The following GRID2 variants were observed in gnomAD, a reference collection of about 807,000 sequenced individuals.
GRID2 encodes the protein glutamate receptor ionotropic, delta-2.
A neutral mutation model predicts 114.8 loss-of-function variants in GRID2; 33 were observed. The observed-to-expected ratio is 0.29, with a 90% CI of 0.22 to 0.38. The LOEUF (loss-of-function observed/expected upper bound fraction) is 0.38. GRID2 is among the 10% of genes least tolerant of loss of function. The probability of loss-of-function intolerance (pLI) is 1.00; values close to 1 mark genes in which losing one functional copy is unlikely to be tolerated. For missense variants in GRID2, 1,184 were observed against 1,257.7 expected, an observed-to-expected ratio of 0.94 and a Z score of 0.89; for synonymous variants, 505 against 449.9, an observed-to-expected ratio of 1.12 and a Z score of -1.55.
intron 8 of GRID2, among the ~76,000 whole-genome samples, chr4:93,266,048 C>A (rs1750790299): frequency 6.6e-6 from 1 of 152,152 alleles, no homozygotes; most frequent in Non-Finnish European, 1.5e-5. Flanking sequence ...TATTCCATCA[C>A]AGGGCACACA....
intron 2 of GRID2, among the ~76,000 whole-genome samples, chr4:92,731,122 C>T (rs1736308979): frequency 6.6e-6 from 1 of 151,810 alleles, no homozygotes; most frequent in African/African-American, 2.4e-5. Flanking sequence ...GGAAAACCAT[C>T]TATTGTTTAC....
chr4:93,156,059 C>T (rs970280162), intron 4 of GRID2, among the ~76,000 whole-genome samples: 4 of 151,002 alleles, frequency 2.6e-5, no homozygotes, highest in Non-Finnish European at 4.4e-5. Flanking sequence ...TATTGTATGC[C>T]GGTATCAGAA....
chr4:92,652,271 T>C (rs1731979476), intron 2 of GRID2, among the ~76,000 whole-genome samples: 1 of 152,048 alleles, frequency 6.6e-6, no homozygotes, highest in Non-Finnish European at 1.5e-5. Flanking sequence ...TGTTAATCTA[T>C]CCAGAAACTC....
chr4:93,403,801 T>G (rs2149342206), intron 9 of GRID2, among the ~76,000 whole-genome samples: 1 of 152,244 alleles, frequency 6.6e-6, no homozygotes, highest in African/African-American at 2.4e-5. Flanking sequence ...GTACGACTCC[T>G]TCAGAAAACA....
chr4:92,783,505 GAA>G (rs1739180062), intron 2 of GRID2, among the ~76,000 whole-genome samples: 3 of 152,130 alleles, frequency 2.0e-5, no homozygotes, highest in South Asian at 4.1e-4. Context: ...CAAATATTAA[GAA>G]TATCAAATCA....
rs567925591 is a variant in GRID2 at position 92,785,546 on chromosome 4, C to T, written c.244+195260C>T. Among the ~76,000 whole-genome samples, 35 of 151,700 alleles carry T rather than the reference C, an allele frequency of 2.3e-4. 1 individual carries two copies. In the South Asian group the frequency reaches 7.3e-3, roughly 32 times the overall value. ...AAAATACAATTTTCTACTTTGAGTG[C>T]TATCTTTAAAAACAGGCTATATTTA... On this transcript the variant is annotated intron_variant, in intron 2 of 15. Coordinates refer to ENST00000282020, the MANE Select transcript of GRID2 (RefSeq NM_001510.4).
At chr4:92,860,810 A>G (rs1179596582) in intron 2 of GRID2, among the ~76,000 whole-genome samples, 3 of 152,070 alleles carry the variant, frequency 2.0e-5, no homozygotes, top group Non-Finnish European at 4.4e-5. Context: ...TCAATATTAA[A>G]TATTTATCAA....
intron 1 of GRID2, among the ~76,000 whole-genome samples, chr4:92,539,703 A>C: frequency 6.6e-6 from 1 of 152,336 alleles, no homozygotes; most frequent in Middle Eastern, 3.4e-3. Flanking sequence ...TTAGAAAAGC[A>C]GTTCTTATAT....
chr4:92,730,902 G>A (rs1736299657), intron 2 of GRID2, among the ~76,000 whole-genome samples: 1 of 151,876 alleles, frequency 6.6e-6, no homozygotes, highest in South Asian at 2.1e-4. Flanking sequence ...TGAGTAAAAA[G>A]GTGGGTTTGA....
intron 3 of GRID2, among the ~76,000 whole-genome samples, chr4:93,092,287 AT>A (rs1205179744): frequency 1.3e-5 from 2 of 152,096 alleles, no homozygotes; most frequent in African/African-American, 4.8e-5. Context: ...ACGCAGATTA[AT>A]TTTAAGAGCT....
chr4:92,963,108 A>C (rs1358071571), intron 2 of GRID2, among the ~76,000 whole-genome samples: 1 of 151,978 alleles, frequency 6.6e-6, no homozygotes, highest in Admixed American at 6.6e-5. Flanking sequence ...AAATGCTAAC[A>C]ATCTTCTGGG....
intron 2 of GRID2, among the ~76,000 whole-genome samples, chr4:92,943,293 T>G (rs1751325380): frequency 6.6e-6 from 1 of 152,172 alleles, no homozygotes; most frequent in African/African-American, 2.4e-5. Context: ...TTCTCTGAAC[T>G]TCTCTTCTCA....
At chr4:93,740,477 T>G (rs143540316) in intron 14 of GRID2, among the ~76,000 whole-genome samples, 3 of 152,174 alleles carry the variant, frequency 2.0e-5, no homozygotes, top group African/African-American at 7.2e-5. Context: ...GACCAGCTAT[T>G]TTCTTTGGTC....
intron 2 of GRID2, among the ~76,000 whole-genome samples, chr4:92,979,047 A>G (rs1171951753): frequency 1.3e-5 from 2 of 152,060 alleles, no homozygotes; most frequent in African/African-American, 4.8e-5. Flanking sequence ...AAATGAAAAT[A>G]AAAATAAATT....
chr4:92,725,530 C>T (rs1339552927), intron 2 of GRID2, among the ~76,000 whole-genome samples: 1 of 152,072 alleles, frequency 6.6e-6, no homozygotes, highest in Non-Finnish European at 1.5e-5. Flanking sequence ...TTTTACCTTA[C>T]TGAAAACTCT....
rs200523019 is a variant in GRID2, at chr4:93,603,890, G to GA, written c.2194-22369dup. Among the ~76,000 whole-genome samples, 427 of 148,950 alleles carry GA rather than the reference G, an allele frequency of 2.9e-3. 1 individual carries two copies. The highest frequency in any genetic ancestry group is 4.8e-3 in the Non-Finnish European group (321 of 67,008). The stretch of plus-strand genomic sequence containing the variant: ...GCCCACTGTTGAGATCTACTGCTCA[G>GA]AAAAAAAAAACTTTCAAAATATGAC... On this transcript the variant is annotated intron_variant, in intron 13 of 15. Coordinates refer to ENST00000282020, the MANE Select transcript of GRID2 (RefSeq NM_001510.4).
chr4:93,197,852 G>A (rs72889671), intron 4 of GRID2, among the ~76,000 whole-genome samples: 10,921 of 151,938 alleles, frequency 0.072, 1,168 homozygotes, highest in African/African-American at 0.23. Flanking sequence ...CAAGTCCTGA[G>A]GTATTTGGCT....
At chr4:92,680,494 C>T (rs1277779935) in intron 2 of GRID2, among the ~76,000 whole-genome samples, 1 of 152,032 alleles carries the variant, frequency 6.6e-6, no homozygotes, top group African/African-American at 2.4e-5. Context: ...AAAGAGGTCT[C>T]CCCCAAAAAC....
At chr4:92,919,918 C>G (rs1441896205) in intron 2 of GRID2, among the ~76,000 whole-genome samples, 1 of 152,166 alleles carries the variant, frequency 6.6e-6, no homozygotes, top group Non-Finnish European at 1.5e-5. Flanking sequence ...AACTTTCTGT[C>G]TCATTGATCT....
Sources: allele counts gnomAD v4.1 joint callset (sites outside exome capture counted in the v4.1 genomes callset), GRCh38; gene constraint gnomAD v4.1.1; transcripts MANE v1.5; gene names NCBI Gene and HGNC (gene_info 2026-07-23, HGNC 2026-07-21).